Variants in ROR1 observed in about 807,000 individuals in gnomAD.
The protein encoded by ROR1 is inactive tyrosine-protein kinase transmembrane receptor ROR1.
Under a neutral mutation model 78.8 loss-of-function variants are expected in ROR1, and 19 were observed. The observed-to-expected ratio is 0.24, with a 90% confidence interval of 0.17 to 0.35. The LOEUF (loss-of-function observed/expected upper bound fraction) is 0.35. Ranked by LOEUF, ROR1 falls within the 10% of genes least tolerant of loss-of-function variation. The pLI is 1.00. For synonymous variants in ROR1, 386 were observed against 433.6 expected, an observed-to-expected ratio of 0.89 and a Z score of 1.36; for missense variants, 917 against 1,177.8, an observed-to-expected ratio of 0.78 and a Z score of 3.24.
intron 1 of ROR1, among the ~76,000 whole-genome samples, chr1:64,007,421 G>A (rs72912899): frequency 0.031 from 4,516 of 144,514 alleles, 251 homozygotes; most frequent in African/African-American, 0.11. Context: ...GACATAGCCT[G>A]AGGGGAGGTT....
At chr1:63,985,770 A>T (rs995986558) in intron 1 of ROR1, among the ~76,000 whole-genome samples, 3 of 151,654 alleles carry the variant, frequency 2.0e-5, no homozygotes, top group Non-Finnish European at 4.4e-5. Flanking sequence ...GATTACCTTT[A>T]TACTATGTGT....
chr1:64,002,623 A>G (rs966748334), intron 1 of ROR1, among the ~76,000 whole-genome samples: 21 of 152,192 alleles, frequency 1.4e-4, no homozygotes, highest in African/African-American at 5.1e-4. Context: ...TTTTTGTAGC[A>G]TAGTTTCTTT....
chr1:64,025,289 A>T (rs1283900684), intron 2 of ROR1, among the ~76,000 whole-genome samples: 1 of 152,166 alleles, frequency 6.6e-6, no homozygotes, highest in African/African-American at 2.4e-5. Context: ...CTCCTGGCTG[A>T]TAACGTGATT....
At chr1:64,091,381 T>G (rs1215788071) in intron 4 of ROR1, among the ~76,000 whole-genome samples, 2 of 152,168 alleles carry the variant, frequency 1.3e-5, no homozygotes, top group African/African-American at 4.8e-5. Flanking sequence ...AATCCTAGGA[T>G]TATATACCAT....
At chr1:64,150,629 G>A (rs1402264634) in intron 7 of ROR1, among the ~76,000 whole-genome samples, 1 of 152,192 alleles carries the variant, frequency 6.6e-6, no homozygotes, top group Non-Finnish European at 1.5e-5. Flanking sequence ...TGAATTGGAT[G>A]GTGGAGGGGG....
chr1:63,816,989 G>A (rs907191033), intron 1 of ROR1, among the ~76,000 whole-genome samples: 1 of 152,204 alleles, frequency 6.6e-6, no homozygotes, highest in South Asian at 2.1e-4. Context: ...GATAGGCATC[G>A]TTCCTGACCT....
chr1:64,171,453 A>G lies in ROR1; in HGVS notation c.1387-5975A>G, dbSNP rs144891358. Among the ~76,000 whole-genome samples the G allele has an allele frequency of 5.3e-3, 808 of 152,298 alleles. 9 individuals are homozygous for G. Among genetic ancestry groups the G allele is most frequent in the African/African-American group, 0.017 (714 of 41,558 alleles). On this transcript the variant is annotated intron_variant, in intron 8 of 8. Coordinates refer to ENST00000371079, the MANE Select transcript of ROR1 (RefSeq NM_005012.4). ...ATGTGGGAATTCAAGATGAGATGTGAGTGGGGACACAGCCAAACCATATCA... is the reference window on the plus strand; with the variant it reads ...ATGTGGGAATTCAAGATGAGATGTGGGTGGGGACACAGCCAAACCATATCA...
At chr1:64,098,983 CAT>C (rs150830013) in intron 4 of ROR1, among the ~76,000 whole-genome samples, 2,801 of 152,214 alleles carry the variant, frequency 0.018, 81 homozygotes, top group African/African-American at 0.065. Flanking sequence ...CACTTTCACA[CAT>C]GTTATTCATG....
chr1:64,047,066 A>G (rs1271076408), intron 2 of ROR1, among the ~76,000 whole-genome samples: 1 of 152,170 alleles, frequency 6.6e-6, no homozygotes, highest in Non-Finnish European at 1.5e-5. Context: ...GCCATTAGTG[A>G]TGGAAGCTTT....
chr1:63,819,400 C>T (rs1210371493), intron 1 of ROR1, among the ~76,000 whole-genome samples: 2 of 152,106 alleles, frequency 1.3e-5, no homozygotes, highest in Admixed American at 6.6e-5. Context: ...AGAATGGGTG[C>T]TTTTTGATGT....
intron 1 of ROR1, among the ~76,000 whole-genome samples, chr1:63,920,923 G>A (rs1349084552): frequency 6.6e-6 from 1 of 152,142 alleles, no homozygotes; most frequent in Admixed American, 6.6e-5. Flanking sequence ...CACTTGTTGG[G>A]CATTTACTCT....
intron 4 of ROR1, among the ~76,000 whole-genome samples, chr1:64,115,581 GATAA>G (rs941418648): frequency 3.6e-4 from 54 of 150,298 alleles, no homozygotes; most frequent in African/African-American, 1.3e-3. Context: ...TGGTTGTAAC[GATAA>G]ATAAATAAGA....
intron 2 of ROR1, among the ~76,000 whole-genome samples, chr1:64,044,443 G>C (rs34508942): frequency 0.011 from 1,668 of 152,020 alleles, 16 homozygotes; most frequent in Non-Finnish European, 0.015. Context: ...CAAACTAGTG[G>C]TCACTGTACA....
intron 4 of ROR1, among the ~76,000 whole-genome samples, chr1:64,102,695 C>A (rs765498849): frequency 6.6e-6 from 1 of 152,188 alleles, no homozygotes; most frequent in Non-Finnish European, 1.5e-5. Flanking sequence ...AGGGTTTGAT[C>A]GCCTTCGCTT....
At chr1:63,876,694 G>A (rs1645288529) in intron 1 of ROR1, among the ~76,000 whole-genome samples, 1 of 151,388 alleles carries the variant, frequency 6.6e-6, no homozygotes, top group African/African-American at 2.4e-5. Flanking sequence ...GCGTGTGTGT[G>A]TGAGAACATG....
At chr1:63,857,959 G>A (rs770931629) in intron 1 of ROR1, among the ~76,000 whole-genome samples, 3 of 152,168 alleles carry the variant, frequency 2.0e-5, no homozygotes, top group Non-Finnish European at 4.4e-5. Flanking sequence ...GATGTAATTT[G>A]TCAGGTTGCT....
intron 1 of ROR1, among the ~76,000 whole-genome samples, chr1:63,928,746 A>G (rs537262843): frequency 1.3e-5 from 2 of 152,144 alleles, no homozygotes; most frequent in Non-Finnish European, 2.9e-5. Context: ...AATGGCATCT[A>G]CCTACTAGAA....
chr1:64,016,108 AG>A (rs1185846386), intron 2 of ROR1, among the ~76,000 whole-genome samples: 1 of 152,160 alleles, frequency 6.6e-6, no homozygotes, highest in Non-Finnish European at 1.5e-5. Context: ...GTTCCAGCTC[AG>A]CTCCATCACC....
At chr1:64,150,451 TG>T (rs1352337327) in intron 7 of ROR1, among the ~76,000 whole-genome samples, 1 of 152,246 alleles carries the variant, frequency 6.6e-6, no homozygotes, top group Non-Finnish European at 1.5e-5. Context: ...AACCATATTC[TG>T]CAACGTGGTG....
Sources: allele counts gnomAD v4.1 joint callset (sites outside exome capture counted in the v4.1 genomes callset), GRCh38; gene constraint gnomAD v4.1.1; transcripts MANE v1.5; gene names NCBI Gene and HGNC (gene_info 2026-07-23, HGNC 2026-07-21).